The following ARID4B variants were observed in gnomAD, a reference collection of about 807,000 sequenced individuals.
ARID4B encodes AT-rich interactive domain-containing protein 4B.
In ARID4B, 26 loss-of-function variants were observed where a neutral mutation model predicts 147.5. The ratio of observed to expected loss-of-function variants is 0.18; its 90% CI spans 0.13 to 0.24. The LOEUF (loss-of-function observed/expected upper bound fraction) is 0.24. Among genes scored for constraint, ARID4B ranks in the 10% least tolerant of loss-of-function variants. ARID4B has a pLI of 1.00. For synonymous variants in ARID4B, 512 were observed against 507.9 expected, an observed-to-expected ratio of 1.01 and a Z score of -0.11; for missense variants, 1,179 against 1,511.5, an observed-to-expected ratio of 0.78 and a Z score of 3.65.
At chr1:235,236,840 A>ATATATGTG (rs1553299983) in intron 8 of ARID4B, among the ~76,000 whole-genome samples, 16 of 29,648 alleles carry the variant, frequency 5.4e-4, no homozygotes, top group Non-Finnish European at 1.0e-3. Flanking sequence ...AAAAATATAT[A>ATATATGTG]TATATATATA....
intron 2 of ARID4B, among the ~76,000 whole-genome samples, chr1:235,271,539 A>AGTATCACTTGGACTCGG (rs1300581345): frequency 6.6e-6 from 1 of 151,898 alleles, no homozygotes; most frequent in East Asian, 1.9e-4. Flanking sequence ...CTGAGGCAGG[A>AGTATCACTTGGACTCGG]GTATCACTTG....
At chr1:235,216,037 T>C (rs924231530) in intron 16 of ARID4B, among the ~76,000 whole-genome samples, 3 of 152,158 alleles carry the variant, frequency 2.0e-5, no homozygotes, top group African/African-American at 7.2e-5. Flanking sequence ...AATAGTGATA[T>C]AAGCAGCACT....
At chr1:235,229,755 T>A (rs1473356797) in intron 10 of ARID4B, among the ~76,000 whole-genome samples, 1 of 151,328 alleles carries the variant, frequency 6.6e-6, no homozygotes, top group African/African-American at 2.5e-5. Flanking sequence ...ACAGTATTAA[T>A]ACCAGGCACA....
intron 2 of ARID4B, among the ~76,000 whole-genome samples, chr1:235,278,982 A>C (rs927526123): frequency 2.0e-5 from 3 of 151,980 alleles, no homozygotes; most frequent in Admixed American, 2.0e-4. Context: ...GGAAATCCTA[A>C]CTCACTGCAG....
intron 19 of ARID4B, among the ~76,000 whole-genome samples, chr1:235,189,801 G>A (rs2102946719): frequency 6.6e-6 from 1 of 152,252 alleles, no homozygotes; most frequent in South Asian, 2.1e-4. Flanking sequence ...AGCACTTTGG[G>A]AGGCTGAGAC....
intron 2 of ARID4B, among the ~76,000 whole-genome samples, chr1:235,290,312 G>C (rs1267182173): frequency 6.6e-6 from 1 of 151,334 alleles, no homozygotes; most frequent in Non-Finnish European, 1.5e-5. Flanking sequence ...GCATGGTGGT[G>C]CATGCCTGTA....
At chr1:235,180,460 T>C (rs1664243367) in intron 20 of ARID4B, 1 of 152,140 alleles carries the variant, frequency 6.6e-6, no homozygotes, top group Non-Finnish European at 1.5e-5. Context: ...AATCTTACTG[T>C]TGAAAGCCTA....
chr1:235,277,536 C>CAAAA lies in ARID4B; in HGVS notation c.7-16788_7-16785dup, dbSNP rs576771466. Among the ~76,000 whole-genome samples the CAAAA allele has an allele frequency of 7.2e-3, 629 of 87,268 alleles. 17 individuals are homozygous for CAAAA. Among genetic ancestry groups the CAAAA allele is most frequent in the African/African-American group, 0.035 (597 of 17,214 alleles). The allele number at this position is 87,268 out of a possible 152,430, so 57.3% of individuals were successfully genotyped here. On this transcript the variant is annotated intron_variant, in intron 2 of 23. Coordinates refer to ENST00000264183, the MANE Select transcript of ARID4B (RefSeq NM_016374.6). ...CCTGGGCGACAGCGAGACTCCGTCT[C>CAAAA]AAAAAAAAAAAAAAATAATAATAAT...
intron 2 of ARID4B, among the ~76,000 whole-genome samples, chr1:235,298,592 T>A (rs986651487): frequency 2.7e-5 from 4 of 149,230 alleles, no homozygotes; most frequent in Admixed American, 1.3e-4. Flanking sequence ...ATATAATGTA[T>A]ATTTATATAT....
chr1:235,289,840 A>G (rs541286689), intron 2 of ARID4B, among the ~76,000 whole-genome samples: 13 of 152,116 alleles, frequency 8.5e-5, no homozygotes, highest in Non-Finnish European at 1.0e-4. Context: ...GCTCATACTC[A>G]TTCATAAATT....
At chr1:235,256,211 C>G (rs1349600251) in intron 4 of ARID4B, among the ~76,000 whole-genome samples, 1 of 147,356 alleles carries the variant, frequency 6.8e-6, no homozygotes, top group Non-Finnish European at 1.5e-5. Flanking sequence ...TTTTACCGAT[C>G]AATATTTTTG....
intron 2 of ARID4B, among the ~76,000 whole-genome samples, chr1:235,292,648 C>A (rs1374565284): frequency 6.6e-6 from 1 of 151,422 alleles, no homozygotes; most frequent in Non-Finnish European, 1.5e-5. Context: ...AATTTTCCAT[C>A]TACAGTGATA....
chr1:235,298,326 T>A (rs546850765), intron 2 of ARID4B, among the ~76,000 whole-genome samples: 1 of 152,226 alleles, frequency 6.6e-6, no homozygotes, highest in Admixed American at 6.6e-5. Flanking sequence ...TTTGTTACCA[T>A]GAAGTGTATT....
intron 16 of ARID4B, among the ~76,000 whole-genome samples, chr1:235,214,614 TTTTAA>T (rs1266310971): frequency 6.6e-6 from 1 of 152,144 alleles, no homozygotes; most frequent in Non-Finnish European, 1.5e-5. Context: ...TGAAATACTA[TTTTAA>T]TTTAAACAGA....
chr1:235,267,057 T>G (rs1236690542), intron 2 of ARID4B, among the ~76,000 whole-genome samples: 1 of 151,192 alleles, frequency 6.6e-6, no homozygotes, highest in African/African-American at 2.4e-5. Flanking sequence ...GTGTGTAGAT[T>G]GTTTGAGCTC....
chr1:235,182,393 C>T lies in ARID4B; in HGVS notation c.2526G>A (p.Lys842=), dbSNP rs145247695. The T allele has an allele frequency of 3.1e-6, 5 of 1,609,138 alleles. No individual in the cohort carries two copies. The African/African-American group carries it at 6.7e-5, about 22-fold the overall frequency. Residue 842 remains lysine, a synonymous_variant, in exon 20 of 24, where the codon AAG becomes AAA. Transcript: ENST00000264183. The part of the protein sequence containing the change: ...ECLKTGSPGK[K]EEKAKNKESL... ...ATTCTTTGTTCTTGGCCTTCTCTTC[C>T]TTTTTGCCAGGTGATCCAGTTTTTA... is the stretch of plus-strand genomic sequence containing the variant.
chr1:235,181,716 G>T lies in ARID4B; in HGVS notation c.3203C>A (p.Thr1068Lys). 1 of 1,614,026 alleles carries T rather than the reference G, an allele frequency of 6.2e-7. No individual in the cohort carries two copies. The highest frequency in any genetic ancestry group is 8.5e-7 in the Non-Finnish European group (1 of 1,179,998). Reference protein sequence around the residue: ...VRSIKSETDSTIEVDSVAGEL... With the variant: ...VRSIKSETDSKIEVDSVAGEL... ...CCCAGCAACACTATCCACCTCAATT[G>T]TGCTATCAGTTTCACTCTTGATACT... Residue 1068 changes from threonine to lysine, a missense_variant, in exon 20 of 24, where the codon ACA becomes AAA. This residue lies in a region of ARID4B where 357 missense variants were observed against 427.3 expected (regional missense o/e 0.84). Transcript: ENST00000264183.
At chr1:235,323,165 G>A (rs1674968059) in intron 2 of ARID4B, among the ~76,000 whole-genome samples, 1 of 151,602 alleles carries the variant, frequency 6.6e-6, no homozygotes, top group South Asian at 2.1e-4. Flanking sequence ...AGTCTCCTGA[G>A]TAGCTGGGAA....
chr1:235,203,423 G>T (rs1354039784), intron 17 of ARID4B, among the ~76,000 whole-genome samples: 4 of 152,118 alleles, frequency 2.6e-5, no homozygotes, highest in South Asian at 4.2e-4. Context: ...AGTCTTAAGA[G>T]ATTTAAAAAT....
Sources: allele counts gnomAD v4.1 joint callset (sites outside exome capture counted in the v4.1 genomes callset), GRCh38; gene constraint gnomAD v4.1.1; regional missense constraint gnomAD v4.1.1; transcripts MANE v1.5; gene names NCBI Gene and HGNC (gene_info 2026-07-23, HGNC 2026-07-21).